MTCL1: variants seen among roughly 807,000 people sequenced by gnomAD.
The protein encoded by MTCL1 is microtubule cross-linking factor 1.
A neutral mutation model predicts 141.4 loss-of-function variants in MTCL1; 79 were observed. The observed-to-expected ratio is 0.56, with a 90% CI of 0.47 to 0.67. The LOEUF is 0.67. MTCL1 is among the 30% of genes least tolerant of loss of function. The pLI is 0.00. For missense variants in MTCL1, 2,177 were observed against 2,113.9 expected (o/e 1.03, Z -0.59); for synonymous variants, 914 against 875.8 (o/e 1.04, Z -0.77).
At chr18:8,735,554 A>T (rs1196689250) in intron 4 of MTCL1, among the ~76,000 whole-genome samples, 1 of 151,778 alleles carries the variant, frequency 6.6e-6, no homozygotes, top group Non-Finnish European at 1.5e-5. Flanking sequence ...GGTAGAACAC[A>T]TTTTCTGTAA....
intron 11 of MTCL1, 57 bp downstream of exon 10, chr18:8,807,117 A>C: frequency 1.3e-6 from 2 of 1,537,928 alleles, no homozygotes; most frequent in Non-Finnish European, 1.8e-6. Flanking sequence ...TGTCCAGGAT[A>C]TGTGGCGGGG....
rs553187291 is a variant in MTCL1, at chr18:8,736,153, A to G, written c.357+15657A>G. Among the ~76,000 whole-genome samples the G allele has an allele frequency of 3.3e-4, 51 of 152,280 alleles. 1 individual carries two copies. In the South Asian group the frequency reaches 0.01, roughly 31 times the overall value. On this transcript the variant is annotated intron_variant, in intron 4 of 16. Transcript: ENST00000359865. Reference sequence around the variant, plus strand: ...CCTGCTCTGCCATTGATTGAAAGGTACACCATTAGGAGAAAGTAAAACATG... The same window carrying G: ...CCTGCTCTGCCATTGATTGAAAGGTGCACCATTAGGAGAAAGTAAAACATG...
chr18:8,801,981 G>T (rs1358750402), intron 10 of MTCL1: 1 of 152,212 alleles, frequency 6.6e-6, no homozygotes, highest in South Asian at 2.1e-4. Flanking sequence ...TCTGTCTTGA[G>T]TGGCCCATTC....
At chr18:8,752,782 G>A (rs1268542338) in intron 4 of MTCL1, among the ~76,000 whole-genome samples, 2 of 152,224 alleles carry the variant, frequency 1.3e-5, no homozygotes, top group African/African-American at 4.8e-5. Flanking sequence ...ATTGCTGGGT[G>A]CGTAGGCTAT....
chr18:8,723,981 G>A (rs1045541455), intron 4 of MTCL1, among the ~76,000 whole-genome samples: 15 of 152,284 alleles, frequency 9.9e-5, no homozygotes, highest in Admixed American at 9.8e-4. Context: ...GTTTCCTGGG[G>A]CTGGGGAGAG....
intron 4 of MTCL1, among the ~76,000 whole-genome samples, chr18:8,720,730 C>T (rs1337652832): frequency 6.6e-6 from 1 of 152,204 alleles, no homozygotes; most frequent in African/African-American, 2.4e-5. Context: ...ACTATGGATT[C>T]AATACTGTGT....
At chr18:8,772,047 C>T (rs989373941) in intron 4 of MTCL1, among the ~76,000 whole-genome samples, 24 of 152,234 alleles carry the variant, frequency 1.6e-4, no homozygotes, top group African/African-American at 4.8e-4. Context: ...GCATCTAGCA[C>T]GCTACACTGG....
intron 4 of MTCL1, among the ~76,000 whole-genome samples, chr18:8,762,761 T>C (rs561486057): frequency 4.6e-5 from 7 of 151,668 alleles, no homozygotes; most frequent in South Asian, 2.1e-4. Flanking sequence ...AAGGAAGCAA[T>C]TGGGGAGCCC....
rs747560445 is a variant in MTCL1 at position 8,718,408 on chromosome 18, T to C, written c.-27-16T>C. Reference sequence around the variant, plus strand: ...ATGTACTTGGCTCATAAATCTTCTCTGTCTGATTTGCATAGGATGAGTTAG... The same window carrying C: ...ATGTACTTGGCTCATAAATCTTCTCCGTCTGATTTGCATAGGATGAGTTAG... On this transcript the variant is annotated splice_polypyrimidine_tract_variant and intron_variant, in intron 2 of 16. Coordinates refer to ENST00000359865, the Ensembl canonical transcript of MTCL1. 3 of 1,611,728 alleles carry C rather than the reference T, an allele frequency of 1.9e-6. No homozygotes were observed. In the South Asian group the frequency reaches 3.3e-5, roughly 18 times the overall value.
intron 4 of MTCL1, among the ~76,000 whole-genome samples, chr18:8,730,253 A>G (rs951955829): frequency 1.3e-5 from 2 of 151,842 alleles, no homozygotes; most frequent in South Asian, 2.1e-4. Flanking sequence ...TCCGAATCCC[A>G]TTTGATCCCT....
At chr18:8,789,775 TG>T in intron 7 of MTCL1, 6 of 882,330 alleles carry the variant, frequency 6.8e-6, no homozygotes, top group Non-Finnish European at 8.1e-6. Flanking sequence ...GGGGATTGGG[TG>T]GTAAAGGGAA....
chr18:8,831,578 A>G (rs1178479451), intron 16 of MTCL1, 29 bp from the exon 15 acceptor site: 18 of 1,547,686 alleles, frequency 1.2e-5, no homozygotes, highest in Admixed American at 2.0e-5. Context: ...CGGTCTGAGT[A>G]ACCCTGTCTC....
intron 4 of MTCL1, among the ~76,000 whole-genome samples, chr18:8,764,032 G>A (rs1176951316): frequency 6.6e-6 from 1 of 152,088 alleles, no homozygotes; most frequent in African/African-American, 2.4e-5. Flanking sequence ...AAATCACACA[G>A]TTGAAAAAGT....
chr18:8,786,396 G>A, intron 7 of MTCL1: 4 of 605,298 alleles, frequency 6.6e-6, no homozygotes, highest in Non-Finnish European at 1.2e-5. Context: ...GTGCGCAGTG[G>A]CTTCTTGTCC....
At chr18:8,749,145 C>T (rs1480087153) in intron 4 of MTCL1, among the ~76,000 whole-genome samples, 2 of 152,242 alleles carry the variant, frequency 1.3e-5, no homozygotes, top group East Asian at 3.8e-4. Flanking sequence ...TTTTCCATTC[C>T]TGGGACATCC....
chr18:8,788,110 G>C (rs2075581940), intron 7 of MTCL1, among the ~76,000 whole-genome samples: 2 of 152,154 alleles, frequency 1.3e-5, no homozygotes, highest in African/African-American at 4.8e-5. Context: ...AGTACACAAA[G>C]CTCCCATAAG....
Position 8,832,075 on chromosome 18 carries a change from G to T in MTCL1, c.*487G>T, listed in dbSNP as rs3186500. The T allele has an allele frequency of 9.7e-4, 452 of 468,170 alleles. 11 individuals are homozygous for T. The East Asian group carries it at 0.016, about 17-fold the overall frequency. 29.0% of individuals were successfully genotyped at this position (468,170 alleles called of 1,614,324 possible). On this transcript the variant is annotated 3_prime_UTR_variant, in exon 17 of 17. Transcript: ENST00000359865. Reference sequence around the variant, plus strand: ...TTACACACAGTATATTAAACGAAAAGGTAAATAAGGTATAAATAGATTTAA... The same window carrying T: ...TTACACACAGTATATTAAACGAAAATGTAAATAAGGTATAAATAGATTTAA...
intron 13 of MTCL1, among the ~76,000 whole-genome samples, chr18:8,820,759 A>T (rs1346542005): frequency 6.6e-6 from 1 of 152,204 alleles, no homozygotes; most frequent in Non-Finnish European, 1.5e-5. Flanking sequence ...ATGCTCATTA[A>T]GGGGAAGGGT....
chr18:8,740,858 G>A (rs1171023768), intron 4 of MTCL1, among the ~76,000 whole-genome samples: 3 of 152,180 alleles, frequency 2.0e-5, no homozygotes, highest in Non-Finnish European at 4.4e-5. Flanking sequence ...GGGCTGTGTG[G>A]TATTCCTTGT....
Sources: gnomAD v4.1 joint callset for allele counts (sites outside exome capture counted in the v4.1 genomes callset) on GRCh38, gnomAD v4.1.1 for gene constraint, MANE v1.5 for transcripts, NCBI Gene and HGNC (gene_info 2026-07-23, HGNC 2026-07-21) for gene names.